Variants in NECTIN1 observed in about 807,000 individuals in gnomAD.
NECTIN1 encodes nectin-1.
Under a neutral mutation model 48.0 loss-of-function variants are expected in NECTIN1, and 23 were observed. That is an observed-to-expected ratio of 0.48 (90% confidence interval 0.34 to 0.68). NECTIN1 has a LOEUF of 0.68. Among genes scored for constraint, NECTIN1 ranks in the 30% least tolerant of loss-of-function variants. The probability of loss-of-function intolerance (pLI) is 0.01; values close to 1 mark genes in which losing one functional copy is unlikely to be tolerated. For synonymous variants in NECTIN1, 270 were observed against 288.9 expected (o/e 0.93, Z 0.66); for missense variants, 591 against 709.9 (o/e 0.83, Z 1.90).
intron 1 of NECTIN1, among the ~76,000 whole-genome samples, chr11:119,715,946 C>G (rs555283944): frequency 6.6e-6 from 1 of 152,344 alleles, no homozygotes; most frequent in East Asian, 1.9e-4. Flanking sequence ...ACAGCTCCCA[C>G]CTCTGTGCCT....
chr11:119,728,499 C>T lies in NECTIN1; in HGVS notation c.55G>A (p.Gly19Ser). Residue 19 changes from glycine to serine, a missense_variant, in exon 1 of 6, where the codon GGC becomes AGC. Coordinates refer to ENST00000264025, the MANE Select transcript of NECTIN1 (RefSeq NM_002855.5). ...AAGRWWGLAL[G>S]LTAFFLPGVH... ...CCTGGGAGGAAGAATGCGGTCAAGC[C>T]GAGAGCGAGTCCCCACCAGCGTCCA... The T allele has an allele frequency of 6.2e-7, 1 of 1,601,534 alleles. No individual in the cohort carries two copies. The highest frequency in any genetic ancestry group is 8.5e-7 in the Non-Finnish European group (1 of 1,174,820).
chr11:119,696,129 G>T (rs935606055), intron 1 of NECTIN1, among the ~76,000 whole-genome samples: 3 of 152,112 alleles, frequency 2.0e-5, no homozygotes, highest in Non-Finnish European at 2.9e-5. Context: ...TTAAATTTTT[G>T]GTAGAGTTGG....
intron 5 of NECTIN1, among the ~76,000 whole-genome samples, chr11:119,653,487 G>A (rs1182819053): frequency 3.3e-5 from 5 of 152,284 alleles, no homozygotes; most frequent in Admixed American, 6.5e-5. Flanking sequence ...ACACATCCCC[G>A]TTCCTCCAGA....
At chr11:119,690,426 C>T (rs1865233624) in intron 1 of NECTIN1, among the ~76,000 whole-genome samples, 1 of 152,208 alleles carries the variant, frequency 6.6e-6, no homozygotes, top group African/African-American at 2.4e-5. Context: ...CAGTCTTTAT[C>T]CGATGTGCTT....
At chr11:119,659,110 G>A (rs1864621114), downstream of NECTIN1, 1 of 152,224 alleles carries the variant, frequency 6.6e-6, no homozygotes, top group African/African-American at 2.4e-5. Context: ...CTCCCGTCCT[G>A]TGCTACCCCA....
intron 1 of NECTIN1, among the ~76,000 whole-genome samples, chr11:119,718,836 T>G (rs934908161): frequency 1.3e-5 from 2 of 152,222 alleles, no homozygotes; most frequent in Non-Finnish European, 2.9e-5. Context: ...ACAGGTTGAA[T>G]ATCCCTTATC....
intron 1 of NECTIN1, among the ~76,000 whole-genome samples, chr11:119,719,356 C>G (rs1463612124): frequency 1.3e-5 from 2 of 152,196 alleles, no homozygotes; most frequent in Non-Finnish European, 2.9e-5. Context: ...CCTCCATCAC[C>G]TGTCTGCCAC....
chr11:119,651,035 G>A (rs1864482916), intron 5 of NECTIN1, among the ~76,000 whole-genome samples: 2 of 152,164 alleles, frequency 1.3e-5, no homozygotes, highest in African/African-American at 4.8e-5. Context: ...TGTAATTCTT[G>A]GATAGGTAGT....
At position 119,675,148 on chromosome 11, in the gene NECTIN1, C is replaced by G; in HGVS notation, c.1003+11G>C. ...GGGTGCGGAGAGGCTGGGGAGGATG[C>G]AGCTTCCTACCTGTGATATTGACCT... On this transcript the variant is annotated intron_variant, in intron 5 of 5. Coordinates refer to ENST00000264025, the MANE Select transcript of NECTIN1 (RefSeq NM_002855.5). 1 of 1,614,016 alleles carries G rather than the reference C, an allele frequency of 6.2e-7. No individual in the cohort carries two copies. The highest frequency in any genetic ancestry group is 2.2e-5 in the East Asian group (1 of 44,876).
chr11:119,684,848 G>C lies in NECTIN1; in HGVS notation c.80-6083C>G, dbSNP rs1865128083. Among the ~76,000 whole-genome samples the C allele has an allele frequency of 6.6e-6, 1 of 152,164 alleles. No homozygotes were observed. The highest frequency in any genetic ancestry group is 2.4e-5 in the African/African-American group (1 of 41,438). On this transcript the variant is annotated intron_variant, in intron 1 of 5. Transcript: ENST00000264025. This position sits in a 1 kb window ranked among gnomAD's most constrained non-coding sequence, Gnocchi z 5.2. ...GTGTCACCTAGACTCCGATCATTCTGTCAGCAAAACCCAGAGGGGCAGGGC... is the reference window on the plus strand; with the variant it reads ...GTGTCACCTAGACTCCGATCATTCTCTCAGCAAAACCCAGAGGGGCAGGGC...
chr11:119,723,216 CAAAAAAAAAAA>C (rs34528775), intron 1 of NECTIN1, among the ~76,000 whole-genome samples: 2 of 59,236 alleles, frequency 3.4e-5, no homozygotes, highest in Non-Finnish European at 6.3e-5. Context: ...GACTCTGTCT[CAAAAAAAAAAA>C]AAAAAAAAAA....
At chr11:119,726,203 C>A (rs1284198880) in intron 1 of NECTIN1, among the ~76,000 whole-genome samples, 4 of 152,332 alleles carry the variant, frequency 2.6e-5, no homozygotes, top group African/African-American at 9.6e-5. Flanking sequence ...ATCAGACTGG[C>A]AAGTCCCTAG....
chr11:119,690,579 G>C (rs534595312), intron 1 of NECTIN1, among the ~76,000 whole-genome samples: 35 of 152,342 alleles, frequency 2.3e-4, no homozygotes, highest in Admixed American at 6.5e-4. Flanking sequence ...CGCTGCCGGA[G>C]GTAGGCCAGG....
chr11:119,649,986 A>G (rs1487150338), intron 5 of NECTIN1, among the ~76,000 whole-genome samples: 1 of 152,162 alleles, frequency 6.6e-6, no homozygotes, highest in Non-Finnish European at 1.5e-5. Context: ...TGAGTCCAAA[A>G]AGAGAGTCAG....
chr11:119,649,754 CAG>C (rs1203195778), intron 5 of NECTIN1, among the ~76,000 whole-genome samples: 2 of 152,134 alleles, frequency 1.3e-5, no homozygotes, highest in African/African-American at 4.8e-5. Context: ...ACGGGAATGG[CAG>C]AGTTTCTGGA....
chr11:119,690,574 C>A (rs1865236373), intron 1 of NECTIN1, among the ~76,000 whole-genome samples: 1 of 152,212 alleles, frequency 6.6e-6, no homozygotes, highest in Non-Finnish European at 1.5e-5. Context: ...AGCAGCGCTG[C>A]CGGAGGTAGG....
intron 5 of NECTIN1, among the ~76,000 whole-genome samples, chr11:119,666,972 G>T (rs967968377): frequency 6.6e-6 from 1 of 152,108 alleles, no homozygotes; most frequent in East Asian, 1.9e-4. Context: ...CCCCCCAGGG[G>T]CTCCTATACA....
At chr11:119,667,499 G>A (rs1864794546) in intron 5 of NECTIN1, among the ~76,000 whole-genome samples, 1 of 152,214 alleles carries the variant, frequency 6.6e-6, no homozygotes, top group South Asian at 2.1e-4. Context: ...CAGGGTGCAG[G>A]GGAACGGGGT....
At chr11:119,720,869 G>A (rs1164209057) in intron 1 of NECTIN1, among the ~76,000 whole-genome samples, 1 of 152,200 alleles carries the variant, frequency 6.6e-6, no homozygotes, top group Non-Finnish European at 1.5e-5. Context: ...AACGCGAGCT[G>A]GGGAGGGGTG....
Sources: gnomAD v4.1 joint callset for allele counts (sites outside exome capture counted in the v4.1 genomes callset) on GRCh38, gnomAD v4.1.1 for gene constraint, Gnocchi (gnomAD v3.1) non-coding constraint, MANE v1.5 for transcripts, NCBI Gene and HGNC (gene_info 2026-07-23, HGNC 2026-07-21) for gene names.